IQCK: variants seen among roughly 807,000 people sequenced by gnomAD.
IQCK encodes the protein IQ motif containing K.
Under a neutral mutation model 28.1 loss-of-function variants are expected in IQCK, and 29 were observed. The observed-to-expected ratio is 1.03, with a 90% CI of 0.77 to 1.41. The LOEUF is 1.41. IQCK is among the 40% of genes most tolerant of loss of function. The pLI, the probability that IQCK is intolerant of heterozygous loss-of-function variation, is 0.00. For synonymous variants in IQCK, 113 were observed against 115.1 expected (o/e 0.98, Z 0.12); for missense variants, 359 against 314.7 (o/e 1.14, Z -1.07).
intron 4 of IQCK, among the ~76,000 whole-genome samples, chr16:19,749,136 A>G (rs1350741250): frequency 9.9e-5 from 15 of 152,222 alleles, no homozygotes; most frequent in Non-Finnish European, 1.6e-4. Context: ...AGATGTTTCA[A>G]CTGTTAACCC....
At chr16:19,838,334 T>C (rs886518612) in intron 9 of IQCK, among the ~76,000 whole-genome samples, 13 of 152,088 alleles carry the variant, frequency 8.5e-5, no homozygotes, top group Non-Finnish European at 1.8e-4. Flanking sequence ...AGGCATGAAT[T>C]CGGTATTTGG....
At chr16:19,754,355 T>C (rs1360600396) in intron 4 of IQCK, among the ~76,000 whole-genome samples, 1 of 152,242 alleles carries the variant, frequency 6.6e-6, no homozygotes. Context: ...AGTAAAACGA[T>C]GGCTGAAAAT....
chr16:19,767,330 G>A (rs2055253576), intron 6 of IQCK, among the ~76,000 whole-genome samples: 1 of 152,200 alleles, frequency 6.6e-6, no homozygotes, highest in South Asian at 2.1e-4. Flanking sequence ...TTGTGTACCA[G>A]AGAAATCAGA....
Position 19,825,765 on chromosome 16 carries a change from T to C in IQCK, c.691-1261T>C, listed in dbSNP as rs1162071205. ...TAATAAAAATAAAAATAATTATTGT[T>C]GAAATTACTATTATTCATCTCTTTA... is the stretch of plus-strand genomic sequence containing the variant. On this transcript the variant is annotated intron_variant, in intron 7 of 7. Coordinates refer to ENST00000564186, the Ensembl canonical transcript of IQCK. This position sits in a 1 kb window ranked among gnomAD's most constrained non-coding sequence, Gnocchi z 4.2. Among the ~76,000 whole-genome samples, 2 of 152,228 alleles carry C rather than the reference T, an allele frequency of 1.3e-5. No individual in the cohort carries two copies. The highest frequency in any genetic ancestry group is 4.8e-5 in the African/African-American group (2 of 41,460).
intron 4 of IQCK, among the ~76,000 whole-genome samples, chr16:19,736,907 G>A (rs1199644526): frequency 6.6e-6 from 1 of 151,788 alleles, no homozygotes; most frequent in Non-Finnish European, 1.5e-5. Flanking sequence ...CAGCACTTTG[G>A]GAGGCCAAGG....
At position 19,742,058 on chromosome 16, in the gene IQCK, A is replaced by C. The variant is rs149843895; in HGVS notation, c.474+6608A>C. On this transcript the variant is annotated intron_variant, in intron 4 of 7. Transcript: ENST00000564186. ...GAAGCTTGAAAGGCAGGCACACGGG[A>C]GTTCAAAATCCTGCTAGACTGCTTC... is the stretch of plus-strand genomic sequence containing the variant. 2.6e-5 allele frequency among the ~76,000 whole-genome samples: 4 copies of C among 152,292 alleles called. No homozygotes were observed. The East Asian group carries it at 7.7e-4, about 29-fold the overall frequency.
intron 7 of IQCK, among the ~76,000 whole-genome samples, chr16:19,803,223 A>G (rs2151740622): frequency 6.6e-6 from 1 of 151,860 alleles, no homozygotes; most frequent in Non-Finnish European, 1.5e-5. Context: ...GCTCACTGCA[A>G]CCTCCACCTC....
At chr16:19,723,149 C>G (rs1321108390) in intron 1 of IQCK, among the ~76,000 whole-genome samples, 1 of 127,904 alleles carries the variant, frequency 7.8e-6, no homozygotes, top group Non-Finnish European at 1.6e-5. Flanking sequence ...TGCCTTAGAT[C>G]AGGCCCTTAC....
chr16:19,752,892 CA>C (rs1169381310), intron 4 of IQCK, among the ~76,000 whole-genome samples: 1 of 152,158 alleles, frequency 6.6e-6, no homozygotes, highest in African/African-American at 2.4e-5. Flanking sequence ...AAGAGGCCCA[CA>C]GGGAGATCTT....
At chr16:19,746,697 C>T (rs1379521414) in intron 4 of IQCK, among the ~76,000 whole-genome samples, 1 of 152,174 alleles carries the variant, frequency 6.6e-6, no homozygotes, top group Non-Finnish European at 1.5e-5. Context: ...AAGGACAAGG[C>T]TTTAAAAAGA....
intron 4 of IQCK, among the ~76,000 whole-genome samples, chr16:19,746,763 G>T (rs892274647): frequency 1.3e-5 from 2 of 152,188 alleles, no homozygotes; most frequent in Admixed American, 6.5e-5. Flanking sequence ...AAAGTGAAGG[G>T]CAGTGGCTTT....
At chr16:19,762,466 T>C (rs1597532136) in intron 4 of IQCK, among the ~76,000 whole-genome samples, 1 of 152,352 alleles carries the variant, frequency 6.6e-6, no homozygotes, top group East Asian at 1.9e-4. Context: ...ATATGAGCAC[T>C]GTCTTTTATT....
At chr16:19,727,643 G>A (rs940188399) in intron 1 of IQCK, among the ~76,000 whole-genome samples, 9 of 150,918 alleles carry the variant, frequency 6.0e-5, no homozygotes, top group Admixed American at 2.0e-4. Context: ...AACAATGGTT[G>A]TAGGGTTGCA....
At chr16:19,720,834 T>C (rs1447865477) in intron 1 of IQCK, among the ~76,000 whole-genome samples, 2 of 152,168 alleles carry the variant, frequency 1.3e-5, no homozygotes, top group African/African-American at 4.8e-5. Flanking sequence ...CTGGCCAACA[T>C]GTTGAAACCC....
intron 7 of IQCK, among the ~76,000 whole-genome samples, chr16:19,793,646 T>G (rs1186078490): frequency 9.4e-5 from 7 of 74,498 alleles, no homozygotes; most frequent in Non-Finnish European, 2.3e-5. Context: ...CAGTTGGGTT[T>G]TTTTTTTTTT....
chr16:19,842,142 G>C (rs571680810), intron 9 of IQCK, among the ~76,000 whole-genome samples: 1 of 152,098 alleles, frequency 6.6e-6, no homozygotes, highest in South Asian at 2.1e-4. Context: ...CACCACACCC[G>C]GCCCCATATC....
chr16:19,770,626 T>C (rs998357585), intron 6 of IQCK, among the ~76,000 whole-genome samples: 1 of 75,242 alleles, frequency 1.3e-5, no homozygotes, highest in African/African-American at 3.7e-5. Context: ...TGTTTCTCTT[T>C]TGGGGGGCGG....
At chr16:19,766,639 C>T (rs1232573177) in intron 6 of IQCK, among the ~76,000 whole-genome samples, 5 of 152,214 alleles carry the variant, frequency 3.3e-5, no homozygotes, top group African/African-American at 9.7e-5. Flanking sequence ...CTGACCTGTG[C>T]ATTGTAGGAT....
At position 19,840,388 on chromosome 16, in the gene IQCK, G is replaced by A. The variant is rs112872662; in HGVS notation, c.802+13251G>A. On this transcript the variant is annotated intron_variant, in intron 9 of 9. Coordinates refer to the IQCK transcript ENST00000320394. Reference sequence around the variant, plus strand: ...AATAATAAAGAAAGAAAGACAAAAAGTCCATTAAAATATAATCCCCAGATG... The same window carrying A: ...AATAATAAAGAAAGAAAGACAAAAAATCCATTAAAATATAATCCCCAGATG... 8.2e-3 allele frequency among the ~76,000 whole-genome samples: 1,244 copies of A among 152,118 alleles called. 18 individuals are homozygous for A. The highest frequency in any genetic ancestry group is 0.028 in the African/African-American group (1,173 of 41,514).
Sources: allele counts gnomAD v4.1 joint callset (sites outside exome capture counted in the v4.1 genomes callset), GRCh38; gene constraint gnomAD v4.1.1; non-coding constraint Gnocchi (gnomAD v3.1); transcripts MANE v1.5; gene names NCBI Gene and HGNC (gene_info 2026-07-23, HGNC 2026-07-21).